Variants in KIF1B observed in about 807,000 individuals in gnomAD.
KIF1B encodes the protein kinesin family member 1B.
In KIF1B, 76 loss-of-function variants were observed where a neutral mutation model predicts 241.9. The observed-to-expected ratio is 0.31, with a 90% CI of 0.26 to 0.38. The LOEUF (loss-of-function observed/expected upper bound fraction) is 0.38, where lower values mean the gene tolerates loss of function less well. KIF1B is among the 10% of genes least tolerant of loss of function. The pLI is 1.00. For missense variants in KIF1B, 1,622 were observed against 2,271.4 expected (o/e 0.71, Z 5.81); for synonymous variants, 750 against 796.7 (o/e 0.94, Z 0.99).
chr1:10,295,115 C>T lies in KIF1B; in HGVS notation c.1620C>T (p.Asp540=). Residue 540 remains aspartate (D), a synonymous_variant, in exon 18 of 49, where the codon GAC becomes GAT. Transcript: ENST00000676179. ...CACATCTTGTTAACCTCAATGAAGA[C>T]CCACTAATGTCTGAGTGCCTACTTT... ...KTPHLVNLNE[D]PLMSECLLYY... The T allele has an allele frequency of 6.2e-7, 1 of 1,608,776 alleles. No individual in the cohort carries two copies. The highest frequency in any genetic ancestry group is 8.5e-7 in the Non-Finnish European group (1 of 1,175,222).
intron 41 of KIF1B, among the ~76,000 whole-genome samples, chr1:10,363,632 A>T (rs1457849333): frequency 6.6e-6 from 1 of 152,130 alleles, no homozygotes. Flanking sequence ...GGCAGAGGTT[A>T]CAGTGAGCCG....
chr1:10,219,152 A>G (rs1479115963), intron 1 of KIF1B, among the ~76,000 whole-genome samples: 1 of 152,170 alleles, frequency 6.6e-6, no homozygotes, highest in Non-Finnish European at 1.5e-5. Flanking sequence ...GAAAATTGTT[A>G]TAAACATCCT....
rs1336770670 is a variant in KIF1B, at chr1:10,278,109, C to T, written c.1161C>T (p.Gly387=). The T allele has an allele frequency of 6.2e-7, 1 of 1,613,856 alleles. No individual in the cohort carries two copies. ...TRLKDLLRAQ[G]LGDIIDIDPL... is the part of the protein sequence containing the mutation. ...TGAAGGACCTTCTTCGTGCTCAGGGCCTGGGAGATATTATTGATAGTAAGT... is the reference window on the plus strand; with the variant it reads ...TGAAGGACCTTCTTCGTGCTCAGGGTCTGGGAGATATTATTGATAGTAAGT... Residue 387 remains glycine, a synonymous_variant, in exon 13 of 49, where the codon GGC becomes GGT. Coordinates refer to ENST00000676179, the MANE Select transcript of KIF1B (RefSeq NM_001365951.3).
At chr1:10,305,537 A>C in intron 22 of KIF1B, 2 of 1,060,056 alleles carry the variant, frequency 1.9e-6, no homozygotes, top group Non-Finnish European at 2.3e-6. Flanking sequence ...ATGGGGGACA[A>C]AGCTACAGCA....
intron 22 of KIF1B, chr1:10,305,838 C>T (rs1650802046): frequency 9.5e-7 from 1 of 1,052,462 alleles, no homozygotes. Flanking sequence ...TTCCTCATCT[C>T]TTGAGTTTGT....
At chr1:10,223,253 C>CA (rs1458877133) in intron 1 of KIF1B, among the ~76,000 whole-genome samples, 4 of 151,922 alleles carry the variant, frequency 2.6e-5, no homozygotes, top group African/African-American at 7.3e-5. Context: ...GACTCTGTCT[C>CA]AAAAACAAAA....
At chr1:10,343,156 A>T in intron 33 of KIF1B, 76 bp from the exon 34 acceptor site, 1 of 1,455,030 alleles carries the variant, frequency 6.9e-7, no homozygotes, top group Non-Finnish European at 9.5e-7. Context: ...TTCAATTTGC[A>T]GTCCAGCACA....
chr1:10,273,635 G>C (rs959730037), intron 10 of KIF1B, among the ~76,000 whole-genome samples: 1 of 139,246 alleles, frequency 7.2e-6, no homozygotes, highest in East Asian at 2.3e-4. Flanking sequence ...GGAATGAGAT[G>C]ATGATGATGT....
At chr1:10,277,259 A>G (rs1020284760) in intron 12 of KIF1B, among the ~76,000 whole-genome samples, 15 of 151,880 alleles carry the variant, frequency 9.9e-5, no homozygotes, top group African/African-American at 3.6e-4. Context: ...CAGCCCAGGC[A>G]ACGTAGTGAG....
intron 22 of KIF1B, chr1:10,305,410 C>T: frequency 9.5e-7 from 1 of 1,054,174 alleles, no homozygotes; most frequent in Non-Finnish European, 1.1e-6. Context: ...TATCATTTGA[C>T]ACACATGCAC....
At chr1:10,324,167 A>C in intron 25 of KIF1B, 105 bp downstream of exon 25, 1 of 1,080,032 alleles carries the variant, frequency 9.3e-7, no homozygotes, top group Non-Finnish European at 1.4e-6. Flanking sequence ...ACTGTTGCTT[A>C]CTTCCCTGTA....
At chr1:10,360,329 T>G (rs1239731579) in intron 38 of KIF1B, among the ~76,000 whole-genome samples, 1 of 152,104 alleles carries the variant, frequency 6.6e-6, no homozygotes, top group Non-Finnish European at 1.5e-5. Flanking sequence ...CTTAATCCCT[T>G]TGATTGACCT....
chr1:10,249,044 T>C (rs1647301960), intron 2 of KIF1B, among the ~76,000 whole-genome samples: 1 of 152,198 alleles, frequency 6.6e-6, no homozygotes, highest in African/African-American at 2.4e-5. Context: ...TCCTCAAAAA[T>C]ATTCCTGGAG....
chr1:10,298,984 C>G (rs929439144), intron 22 of KIF1B: 4 of 149,614 alleles, frequency 2.7e-5, no homozygotes, highest in Admixed American at 6.7e-5. Flanking sequence ...TTCGGCAGCA[C>G]ATATACTAAA....
intron 44 of KIF1B, among the ~76,000 whole-genome samples, chr1:10,369,811 A>G (rs1569919184): frequency 6.6e-6 from 1 of 151,956 alleles, no homozygotes; most frequent in South Asian, 2.1e-4. Context: ...GCATGCCTGT[A>G]ATACCAGCTA....
At chr1:10,254,876 C>CAAAAA (rs1159193467) in intron 2 of KIF1B, among the ~76,000 whole-genome samples, 2 of 36,640 alleles carry the variant, frequency 5.5e-5, no homozygotes, top group Non-Finnish European at 1.0e-4. Flanking sequence ...GACTCTGTCT[C>CAAAAA]AAAAAAAAAA....
intron 44 of KIF1B, among the ~76,000 whole-genome samples, chr1:10,369,334 A>G (rs537971086): frequency 6.6e-6 from 1 of 152,356 alleles, no homozygotes; most frequent in South Asian, 2.1e-4. Context: ...AATACCACTT[A>G]TATTAATTCA....
chr1:10,371,376 T>A, intron 45 of KIF1B, 114 bp downstream of exon 45: 1 of 1,298,560 alleles, frequency 7.7e-7, no homozygotes, highest in South Asian at 1.3e-5. Context: ...TAGGCAGCAT[T>A]TGGAAATGTG....
At chr1:10,212,269 AG>A (rs933440885) in intron 1 of KIF1B, among the ~76,000 whole-genome samples, 1 of 152,244 alleles carries the variant, frequency 6.6e-6, no homozygotes, top group African/African-American at 2.4e-5. Flanking sequence ...AACAAAATCT[AG>A]TTCTTGTGTT....
Sources: gnomAD v4.1 joint callset for allele counts (sites outside exome capture counted in the v4.1 genomes callset) on GRCh38, gnomAD v4.1.1 for gene constraint, MANE v1.5 for transcripts, NCBI Gene and HGNC (gene_info 2026-07-23, HGNC 2026-07-21) for gene names.